Variants in GLMN observed in about 807,000 individuals in gnomAD.
The protein encoded by GLMN is glomulin.
GLMN carries 75 observed loss-of-function variants against 87.8 expected under a neutral mutation model. That is an observed-to-expected ratio of 0.85 (90% CI 0.71 to 1.04). The LOEUF is 1.04. Ranked by LOEUF, GLMN falls within the 50% of genes least tolerant of loss-of-function variation. The pLI is 0.00. For missense variants in GLMN, 588 were observed against 658.8 expected (o/e 0.89, Z 1.18); for synonymous variants, 206 against 221.6 (o/e 0.93, Z 0.63).
At chr1:92,283,042 A>T (rs1380939874) in intron 7 of GLMN, among the ~76,000 whole-genome samples, 1 of 152,222 alleles carries the variant, frequency 6.6e-6, no homozygotes, top group Non-Finnish European at 1.5e-5. Context: ...GAATTCTACC[A>T]GAGGTACAAA....
intron 7 of GLMN, among the ~76,000 whole-genome samples, chr1:92,276,810 A>G (rs1403805432): frequency 6.6e-6 from 1 of 152,234 alleles, no homozygotes; most frequent in Non-Finnish European, 1.5e-5. Flanking sequence ...ATACTACAGC[A>G]AGAAAAGGAG....
chr1:92,355,622 A>T, the GLMN span, among the ~76,000 whole-genome samples: 1,047 of 152,294 alleles, frequency 6.9e-3, 55 homozygotes, highest in East Asian at 0.13. Context: ...CATTTAAGAA[A>T]GTGAGAGGAA....
chr1:92,360,213 A>C, the GLMN span, among the ~76,000 whole-genome samples: 2 of 152,224 alleles, frequency 1.3e-5, no homozygotes, highest in Non-Finnish European at 2.9e-5. Context: ...TGTAGTAACT[A>C]CCTTTCTAGA....
At chr1:92,294,745 C>T (rs1449449343) in intron 3 of GLMN, among the ~76,000 whole-genome samples, 1 of 152,022 alleles carries the variant, frequency 6.6e-6, no homozygotes, top group Non-Finnish European at 1.5e-5. Context: ...GTGGTACGAT[C>T]TTGGCTCACT....
upstream of GLMN, chr1:92,300,145 C>T (rs538606469): frequency 2.4e-5 from 31 of 1,302,270 alleles, no homozygotes; most frequent in South Asian, 3.5e-4. Flanking sequence ...TGCTGTCCGT[C>T]GTTTACGGAA....
the GLMN span, among the ~76,000 whole-genome samples, chr1:92,327,020 GGT>G: frequency 7.9e-5 from 12 of 152,328 alleles, no homozygotes; most frequent in Admixed American, 5.2e-4. Context: ...CCTATCATAT[GGT>G]CTATCTCGGA....
intron 13 of GLMN, among the ~76,000 whole-genome samples, chr1:92,265,210 AT>A (rs1041614870): frequency 2.0e-5 from 3 of 152,198 alleles, no homozygotes; most frequent in African/African-American, 7.2e-5. Flanking sequence ...GAATATTTTT[AT>A]GAACATAGTT....
upstream of GLMN, among the ~76,000 whole-genome samples, chr1:92,299,851 A>C (rs1368607630): frequency 6.6e-6 from 1 of 152,126 alleles, no homozygotes; most frequent in Non-Finnish European, 1.5e-5. Context: ...GTTTGTGTAG[A>C]CCTGACCTAC....
the GLMN span, among the ~76,000 whole-genome samples, chr1:92,313,397 G>A: frequency 1.7e-3 from 261 of 152,170 alleles, 1 homozygote; most frequent in African/African-American, 6.0e-3. Context: ...AGAGTTCTTG[G>A]GTGGCTAGGT....
At position 92,249,267 on chromosome 1, in the gene GLMN, CTT is replaced by C. The variant is rs59926635; in HGVS notation, c.1474-1280_1474-1279del. On this transcript the variant is annotated intron_variant, in intron 16 of 18. Transcript: ENST00000370360. ...CAACGGTGTAATTTTGATTACTATT[CTT>C]TTTTTTTTTTTTTTGCTTCTTTATG... Among the ~76,000 whole-genome samples, 408 of 108,292 alleles carry C rather than the reference CTT, an allele frequency of 3.8e-3. 3 individuals carry two copies. The highest frequency in any genetic ancestry group is 0.013 in the South Asian group (44 of 3,290). 71.0% of individuals were successfully genotyped at this position (108,292 alleles called of 152,430 possible).
At chr1:92,325,169 A>G in the GLMN span, among the ~76,000 whole-genome samples, 1 of 152,136 alleles carries the variant, frequency 6.6e-6, no homozygotes, top group South Asian at 2.1e-4. Flanking sequence ...ATTGATGTAT[A>G]CTCCCTGGAA....
chr1:92,249,329 A>AT (rs753698318), intron 16 of GLMN, among the ~76,000 whole-genome samples: 3 of 148,436 alleles, frequency 2.0e-5, no homozygotes, highest in Non-Finnish European at 4.5e-5. Flanking sequence ...TAGTTGTATA[A>AT]TTTTTAAATT....
intron 1 of GLMN, among the ~76,000 whole-genome samples, 156 bp downstream of exon 1, chr1:92,298,769 G>A (rs1426501924): frequency 1.3e-5 from 2 of 151,806 alleles, no homozygotes; most frequent in Non-Finnish European, 2.9e-5. Flanking sequence ...CGTGCGGGCT[G>A]CATCAGAGGA....
At chr1:92,324,408 C>T in the GLMN span, 306 of 1,503,542 alleles carry the variant, frequency 2.0e-4, 1 homozygote, top group African/African-American at 3.5e-3. Flanking sequence ...TTTTCCAGAT[C>T]GTTAACATTT....
the GLMN span, chr1:92,363,800 G>T: frequency 1.1e-5 from 3 of 273,798 alleles, no homozygotes; most frequent in Non-Finnish European, 2.2e-5. Flanking sequence ...TTTATGATTT[G>T]CTTAACATTT....
chr1:92,297,799 G>A (rs1055550882), intron 2 of GLMN, 162 bp downstream of exon 2: 11 of 631,094 alleles, frequency 1.7e-5, no homozygotes, highest in Non-Finnish European at 2.6e-5. Context: ...GTCACCTGGA[G>A]AAATAATCCA....
chr1:92,305,432 C>CAAAAAA, the GLMN span, among the ~76,000 whole-genome samples: 170 of 52,504 alleles, frequency 3.2e-3, 14 homozygotes, highest in East Asian at 0.015. Context: ...GGCTCCGTCT[C>CAAAAAA]AAAAAAAAAA....
chr1:92,333,672 A>ACAGAGG, the GLMN span, among the ~76,000 whole-genome samples: 1 of 152,160 alleles, frequency 6.6e-6, no homozygotes, highest in African/African-American at 2.4e-5. Context: ...TGTAGAGGAC[A>ACAGAGG]CAGAGGCACA....
chr1:92,266,302 C>T (rs1466703909), intron 13 of GLMN, 117 bp downstream of exon 13: 1 of 715,806 alleles, frequency 1.4e-6, no homozygotes, highest in African/African-American at 1.7e-5. Flanking sequence ...TGGGTTCCAA[C>T]CAGAGTTGAA....
Sources: gnomAD v4.1 joint callset for allele counts (sites outside exome capture counted in the v4.1 genomes callset) on GRCh38, gnomAD v4.1.1 for gene constraint, MANE v1.5 for transcripts, NCBI Gene and HGNC (gene_info 2026-07-23, HGNC 2026-07-21) for gene names.